DMD: variants seen among roughly 807,000 people sequenced by gnomAD.
The protein encoded by DMD is dystrophin, also known as mutant dystrophin.
DMD carries 63 observed loss-of-function variants against 330.1 expected under a neutral mutation model. The observed-to-expected ratio is 0.19, with a 90% CI of 0.16 to 0.24. DMD has a LOEUF of 0.24. Ranked by LOEUF, DMD falls within the 10% of genes least tolerant of loss-of-function variation. DMD has a pLI of 1.00. For synonymous variants in DMD, 1,223 were observed against 959.8 expected (o/e 1.27, Z -5.07); for missense variants, 3,344 against 2,684.1 (o/e 1.25, Z -5.43).
chrX:32,836,081 G>C (rs1262564164), intron 4 of DMD, among the ~76,000 whole-genome samples: 17 of 109,549 alleles, frequency 1.6e-4, no homozygotes, highest in Non-Finnish European at 1.3e-4. Flanking sequence ...CCCCAGACTA[G>C]AGTGCAGTGG....
chrX:32,664,295 G>A (rs1465755281), intron 9 of DMD, among the ~76,000 whole-genome samples: 1 of 100,056 alleles, frequency 1.0e-5, no homozygotes, highest in African/African-American at 3.7e-5. Flanking sequence ...AGGCTGGAGT[G>A]CAGTAGCGCG....
At chrX:31,883,073 C>T (rs2094100050) in intron 47 of DMD, among the ~76,000 whole-genome samples, 1 of 111,630 alleles carries the variant, frequency 9.0e-6, no homozygotes. Flanking sequence ...AGCCCAATGT[C>T]CATTGATTAG....
intron 18 of DMD, among the ~76,000 whole-genome samples, chrX:32,510,800 T>C (rs2045216256): frequency 9.0e-6 from 1 of 111,288 alleles, no homozygotes; most frequent in Non-Finnish European, 1.9e-5. Context: ...AGAAACTGCA[T>C]ATTAGTTAGG....
At chrX:32,576,512 C>A (rs1376776502) in intron 13 of DMD, among the ~76,000 whole-genome samples, 1 of 110,352 alleles carries the variant, frequency 9.1e-6, no homozygotes, top group Non-Finnish European at 1.9e-5. Flanking sequence ...GAGTAATGGG[C>A]GGGTAACATT....
intron 11 of DMD, among the ~76,000 whole-genome samples, chrX:32,630,771 T>A (rs1225984577): frequency 8.9e-6 from 1 of 112,052 alleles, no homozygotes; most frequent in East Asian, 2.8e-4. Context: ...AATCAGCCAT[T>A]TGGAATTCTC....
intron 30 of DMD, among the ~76,000 whole-genome samples, chrX:32,404,193 T>C (rs1796868036): frequency 8.9e-6 from 1 of 111,930 alleles, no homozygotes; most frequent in Non-Finnish European, 1.9e-5. Context: ...TTAAAGTGCA[T>C]TTAACGTAAT....
chrX:32,838,011 A>C lies in DMD; in HGVS notation c.264+6772T>G, dbSNP rs983474163. 3.6e-5 allele frequency among the ~76,000 whole-genome samples: 4 copies of C among 112,197 alleles called. No homozygotes were observed. The South Asian group carries it at 1.5e-3, about 41-fold the overall frequency. On this transcript the variant is annotated intron_variant, in intron 4 of 78. Coordinates refer to ENST00000357033, the MANE Select transcript of DMD (RefSeq NM_004006.3). ...ACTATGCTTTAGTGTTGAGATACAGAAAATCACTATTAAACCTACAGTTAT... is the reference window on the plus strand; with the variant it reads ...ACTATGCTTTAGTGTTGAGATACAGCAAATCACTATTAAACCTACAGTTAT...
At chrX:32,359,635 G>C (rs899261297) in intron 37 of DMD, among the ~76,000 whole-genome samples, 11 of 111,282 alleles carry the variant, frequency 9.9e-5, no homozygotes, top group African/African-American at 3.6e-4. Flanking sequence ...ACACACACAA[G>C]ACATTAAATG....
intron 59 of DMD, among the ~76,000 whole-genome samples, chrX:31,465,763 T>A (rs1026688062): frequency 8.9e-6 from 1 of 111,784 alleles, no homozygotes; most frequent in East Asian, 2.8e-4. Context: ...TGGTTCTAGA[T>A]CCTTGAGGAA....
rs780283825 is a variant in DMD at position 31,774,143 on chromosome X, T to C, written c.7359A>G (p.Glu2453=). ...TLVTQPVVTK[E]TAISKLEMPS... ...GCATTTCTAGTTTGGAGATGGCAGT[T>C]TCCTTAGTAACCACAGGTTGTGTCA... is the stretch of plus-strand genomic sequence containing the variant. Residue 2453 remains glutamate, a synonymous_variant, in exon 51 of 79, where the codon GAA becomes GAG. Coordinates refer to ENST00000357033, the MANE Select transcript of DMD (RefSeq NM_004006.3). 2.2e-5 allele frequency: 26 copies of C among 1,208,507 alleles called. No individual in the cohort carries two copies. In the Middle Eastern group the frequency reaches 9.1e-4, roughly 42 times the overall value.
chrX:32,646,772 G>C (rs1345123396), intron 9 of DMD, among the ~76,000 whole-genome samples: 2 of 111,703 alleles, frequency 1.8e-5, no homozygotes, highest in Non-Finnish European at 3.8e-5. Flanking sequence ...AAGGCATAGT[G>C]GCAGTTATTG....
chrX:33,124,342 G>A (rs1245313454), intron 1 of DMD, among the ~76,000 whole-genome samples: 3 of 106,348 alleles, frequency 2.8e-5, no homozygotes, highest in Non-Finnish European at 5.8e-5. Context: ...TGGGCGTGGT[G>A]GCAGGCGCCT....
At chrX:33,133,425 G>A (rs755797161) in intron 1 of DMD, among the ~76,000 whole-genome samples, 8 of 111,133 alleles carry the variant, frequency 7.2e-5, no homozygotes, top group African/African-American at 2.6e-4. Context: ...CATGTTTCCT[G>A]GAGTCACCTC....
At chrX:32,467,655 C>G (rs752222963) in intron 23 of DMD, among the ~76,000 whole-genome samples, 1 of 104,434 alleles carries the variant, frequency 9.6e-6, no homozygotes, top group Non-Finnish European at 1.9e-5. Flanking sequence ...TATATACACA[C>G]ATATATACAT....
intron 1 of DMD, among the ~76,000 whole-genome samples, chrX:33,329,256 G>A (rs1177742667): frequency 9.0e-6 from 1 of 111,483 alleles, no homozygotes; most frequent in Non-Finnish European, 1.9e-5. Context: ...CAGCCAGAAA[G>A]GCTGAAATTA....
intron 59 of DMD, among the ~76,000 whole-genome samples, chrX:31,476,839 T>A (rs924149275): frequency 1.8e-5 from 2 of 111,074 alleles, no homozygotes; most frequent in Admixed American, 9.6e-5. Context: ...TGCTGGGGAT[T>A]AAAAAGGACA....
intron 49 of DMD, 127 bp downstream of exon 49, chrX:31,836,591 G>T (rs1417426389): frequency 3.5e-6 from 2 of 569,558 alleles, no homozygotes; most frequent in Non-Finnish European, 6.1e-6. Context: ...TGCTATTACA[G>T]TATGGCCAGT....
At chrX:32,936,110 T>C (rs994576016) in intron 2 of DMD, among the ~76,000 whole-genome samples, 11 of 72,320 alleles carry the variant, frequency 1.5e-4, no homozygotes, top group Admixed American at 1.4e-3. Context: ...TTTACTTGTA[T>C]CTCTTTTTTT....
rs1278090805 is a variant in DMD, at chrX:32,645,129, C to A, written c.984G>T (p.Lys328Asn). The change falls in exon 10 of 79, where the codon AAG (lysine) becomes AAT (asparagine). Residue 328 changes from lysine (K) to asparagine (N), a missense_variant. Coordinates refer to ENST00000357033, the MANE Select transcript of DMD (RefSeq NM_004006.3). ...PSQHLEAPED[K>N]SFGSSLMESE... is the part of the protein sequence containing the mutation. ...TCTCCATCAATGAACTGCCAAATGA[C>A]TTGTCTTCAGGAGCTTCCAAATGCT... The A allele has an allele frequency of 3.3e-6, 4 of 1,209,822 alleles. No individual in the cohort carries two copies. The highest frequency in any genetic ancestry group is 4.5e-6 in the Non-Finnish European group (4 of 895,190).
Sources: gnomAD v4.1 joint callset for allele counts (sites outside exome capture counted in the v4.1 genomes callset) on GRCh38, gnomAD v4.1.1 for gene constraint, MANE v1.5 for transcripts, NCBI Gene and HGNC (gene_info 2026-07-23, HGNC 2026-07-21) for gene names.